Variants in ITGAE observed in about 807,000 individuals in gnomAD.
The protein encoded by ITGAE is integrin subunit alpha E.
A neutral mutation model predicts 136.5 loss-of-function variants in ITGAE; 99 were observed. That is an observed-to-expected ratio of 0.73 (90% confidence interval 0.62 to 0.86). ITGAE has a LOEUF of 0.86. Ranked by LOEUF, ITGAE falls within the 40% of genes least tolerant of loss-of-function variation. The probability of loss-of-function intolerance (pLI) is 0.00; values close to 1 mark genes in which losing one functional copy is unlikely to be tolerated. For missense variants in ITGAE, 1,447 were observed against 1,515.3 expected (o/e 0.95, Z 0.75); for synonymous variants, 613 against 591.8 (o/e 1.04, Z -0.52).
Position 3,723,845 on chromosome 17 carries a change from C to G in ITGAE, c.3085-101G>C, listed in dbSNP as rs867308587. 2.6e-6 allele frequency: 4 copies of G among 1,537,738 alleles called. No individual in the cohort carries two copies. In the East Asian group the frequency reaches 6.8e-5, roughly 26 times the overall value. ...CTGGCGAGGTGCGCATGCGCAGGGC[C>G]GGGAGCTAGGACCCCGCGGCAGGCG... On this transcript the variant is annotated intron_variant, in intron 26 of 30. Coordinates refer to ENST00000263087, the MANE Select transcript of ITGAE (RefSeq NM_002208.5).
chr17:3,765,034 C>A (rs1174427349), intron 2 of ITGAE, among the ~76,000 whole-genome samples: 1 of 151,998 alleles, frequency 6.6e-6, no homozygotes, highest in Non-Finnish European at 1.5e-5. Context: ...AGGGGAAGCA[C>A]ATGATTAGCT....
intron 20 of ITGAE, among the ~76,000 whole-genome samples, chr17:3,735,585 C>T (rs2051443475): frequency 6.6e-6 from 1 of 152,152 alleles, no homozygotes; most frequent in African/African-American, 2.4e-5. Context: ...GCTGGGATTA[C>T]AGGTGTAAGC....
intron 1 of ITGAE, among the ~76,000 whole-genome samples, chr17:3,790,511 A>AACACACAC (rs144084191): frequency 1.7e-5 from 1 of 60,366 alleles, no homozygotes; most frequent in Middle Eastern, 6.0e-3. Flanking sequence ...GTCTCAAACA[A>AACACACAC]ACACACACAC....
intron 9 of ITGAE, 41 bp from the exon 10 acceptor site, chr17:3,757,175 A>G: frequency 1.2e-6 from 2 of 1,602,720 alleles, no homozygotes; most frequent in Non-Finnish European, 1.7e-6. Flanking sequence ...CGCTGCGTGG[A>G]TTCCCCAGGC....
rs567219063 is a variant in ITGAE, at chr17:3,798,241, C to T, written c.34+2870G>A. Among the ~76,000 whole-genome samples the T allele has an allele frequency of 2.6e-5, 4 of 152,310 alleles. No individual in the cohort carries two copies. The highest frequency in any genetic ancestry group is 6.5e-5 in the Admixed American group (1 of 15,300). On this transcript the variant is annotated intron_variant, in intron 1 of 30. Transcript: ENST00000263087. This position sits in a 1 kb window ranked among gnomAD's most constrained non-coding sequence, Gnocchi z 4.3. Reference sequence around the variant, plus strand: ...CTACCCCCGTGCTGTGACACCCTGCCGGGGCCGGGGAGGCTACTGTGTGCA... The same window carrying T: ...CTACCCCCGTGCTGTGACACCCTGCTGGGGCCGGGGAGGCTACTGTGTGCA...
intron 20 of ITGAE, among the ~76,000 whole-genome samples, chr17:3,739,368 C>T (rs1402066756): frequency 6.6e-6 from 1 of 152,186 alleles, no homozygotes; most frequent in Non-Finnish European, 1.5e-5. Flanking sequence ...ACAGAAGTAT[C>T]CCCAGCACCT....
intron 1 of ITGAE, among the ~76,000 whole-genome samples, chr17:3,781,308 T>C (rs2052661274): frequency 6.6e-6 from 1 of 151,962 alleles, no homozygotes. Flanking sequence ...CATCCACTCA[T>C]GTTTCCTTCT....
intron 1 of ITGAE, among the ~76,000 whole-genome samples, chr17:3,792,246 T>C (rs1416263138): frequency 6.6e-6 from 1 of 152,114 alleles, no homozygotes; most frequent in Non-Finnish European, 1.5e-5. Context: ...CTCGGCCTCC[T>C]GAGTAGCTGG....
At chr17:3,795,431 G>A (rs1470165893) in intron 1 of ITGAE, among the ~76,000 whole-genome samples, 2 of 152,224 alleles carry the variant, frequency 1.3e-5, no homozygotes, top group African/African-American at 4.8e-5. Context: ...TCAACTGAGG[G>A]TTCCGCTCCC....
chr17:3,751,754 T>C lies in ITGAE; in HGVS notation c.1789A>G (p.Ile597Val), dbSNP rs1353873818. ...CCAAAACCTTCCAGGGGGGCCCCGA[T>C]GGCCACATCTGTGAGCTTATCCTGA... ...LSQDKLTDVA[I>V]GAPLEGFGAD... The change falls in exon 15 of 31, where the codon ATC (isoleucine) becomes GTC (valine). Residue 597 changes from isoleucine (I) to valine (V), a missense_variant. By Grantham distance (29) the Ile-to-Val change is conservative. Around this residue, in one of 3 missense-constraint regions of ITGAE, gnomAD observed 1,031 missense variants for 1,011.4 expected, o/e 1.02. Transcript: ENST00000263087. 6.2e-7 allele frequency: 1 copy of C among 1,613,980 alleles called. No homozygotes were observed.
chr17:3,764,412 G>C (rs1242362422), intron 2 of ITGAE, among the ~76,000 whole-genome samples: 1 of 152,084 alleles, frequency 6.6e-6, no homozygotes, highest in African/African-American at 2.4e-5. Flanking sequence ...CTGGAGGTTT[G>C]GAGGCCGGGC....
At chr17:3,724,093 G>C in intron 26 of ITGAE, 1 of 1,595,934 alleles carries the variant, frequency 6.3e-7, no homozygotes, top group Non-Finnish European at 8.5e-7. Context: ...AGCGACGCCA[G>C]CATCGGCGAC....
At chr17:3,742,095 G>A in intron 19 of ITGAE, among the ~76,000 whole-genome samples, 1 of 152,112 alleles carries the variant, frequency 6.6e-6, no homozygotes, top group East Asian at 1.9e-4. Context: ...AAACAAAAAT[G>A]TATAACCTGA....
intron 20 of ITGAE, among the ~76,000 whole-genome samples, chr17:3,735,666 G>T (rs888138142): frequency 6.6e-6 from 1 of 152,156 alleles, no homozygotes; most frequent in Non-Finnish European, 1.5e-5. Flanking sequence ...AATACGTTTA[G>T]CTTAGACATT....
chr17:3,731,086 G>T lies in ITGAE; in HGVS notation c.2834+18C>A. On this transcript the variant is annotated intron_variant, in intron 23 of 30. Coordinates refer to ENST00000263087, the MANE Select transcript of ITGAE (RefSeq NM_002208.5). ...CGGGGTCATAGCCTGACTCTGCTGT[G>T]ACCCAGGCAGTACTTACTTGGTGAC... 6.2e-7 allele frequency: 1 copy of T among 1,604,004 alleles called. No homozygotes were observed. Among genetic ancestry groups the T allele is most frequent in the South Asian group, 1.1e-5 (1 of 90,828 alleles).
Position 3,734,846 on chromosome 17 carries a change from TG to T in ITGAE, c.2625del (p.Arg876GlufsTer5), listed in dbSNP as rs34281241. The T allele has an allele frequency of 3.7e-6, 6 of 1,614,210 alleles. No homozygotes were observed. Among genetic ancestry groups the T allele is most frequent in the Non-Finnish European group, 5.1e-6 (6 of 1,180,030 alleles). ...SYMTSMALNY[P>X]RNLQLKRMQK... ...TGCATCCTCTTCAACTGCAGGTTTC[TG>T]GGGTAATTCAAGGCCATGCTTGTCA... is the stretch of plus-strand genomic sequence containing the variant. On this transcript the variant is annotated frameshift_variant, in exon 21 of 31. Transcript: ENST00000263087. LOFTEE classifies it high-confidence loss of function.
intron 20 of ITGAE, among the ~76,000 whole-genome samples, chr17:3,735,166 T>G (rs2143012107): frequency 6.6e-6 from 1 of 152,256 alleles, no homozygotes; most frequent in South Asian, 2.1e-4. Context: ...GCTAATATTT[T>G]TCTTATTTTT....
In ITGAE at chr17:3,765,281, A is replaced by G. The variant is rs905787787; in HGVS notation, c.156-1321T>C. ...GGAGAATGGTGTGAACCCAGGAGGC[A>G]GAGGTTGCAGTGAGCCGAGATCACG... is the stretch of plus-strand genomic sequence containing the variant. On this transcript the variant is annotated intron_variant, in intron 2 of 30. Coordinates refer to ENST00000263087, the MANE Select transcript of ITGAE (RefSeq NM_002208.5). Among the ~76,000 whole-genome samples, 12 of 140,672 alleles carry G rather than the reference A, an allele frequency of 8.5e-5. No homozygotes were observed. In the Admixed American group the frequency reaches 8.6e-4, roughly 10 times the overall value. 92.3% of individuals were successfully genotyped at this position (140,672 alleles called of 152,430 possible).
chr17:3,749,233 G>T (rs984286972), intron 16 of ITGAE, among the ~76,000 whole-genome samples: 3 of 151,936 alleles, frequency 2.0e-5, no homozygotes, highest in Non-Finnish European at 2.9e-5. Flanking sequence ...AATGAAGGGT[G>T]GGGGGAGATA....
Sources: allele counts gnomAD v4.1 joint callset (sites outside exome capture counted in the v4.1 genomes callset), GRCh38; gene constraint gnomAD v4.1.1; regional missense constraint gnomAD v4.1.1; non-coding constraint Gnocchi (gnomAD v3.1); transcripts MANE v1.5; gene names NCBI Gene and HGNC (gene_info 2026-07-23, HGNC 2026-07-21).